Variants in CCDC144A observed in about 807,000 individuals in gnomAD.
CCDC144A encodes coiled-coil domain containing 144A, also known as coiled-coil domain-containing protein 144A.
A neutral mutation model predicts 143.8 loss-of-function variants in CCDC144A; 41 were observed. The ratio of observed to expected loss-of-function variants is 0.29; its 90% confidence interval spans 0.22 to 0.37. CCDC144A has a LOEUF of 0.37. CCDC144A is among the 10% of genes least tolerant of loss of function. The pLI, the probability that CCDC144A is intolerant of heterozygous loss-of-function variation, is 1.00. For missense variants in CCDC144A, 637 were observed against 1,488.8 expected (o/e 0.43, Z 9.41); for synonymous variants, 242 against 517.9 (o/e 0.47, Z 7.23).
chr17:16,752,045 G>T (rs548184679), intron 12 of CCDC144A, among the ~76,000 whole-genome samples: 1 of 152,214 alleles, frequency 6.6e-6, no homozygotes, highest in Non-Finnish European at 1.5e-5. Context: ...GACAGATCTT[G>T]TAGAACAGGG....
intron 6 of CCDC144A, among the ~76,000 whole-genome samples, chr17:16,718,836 T>TG (rs1379049829): frequency 1.0e-4 from 13 of 126,940 alleles, no homozygotes; most frequent in Admixed American, 5.4e-4. Context: ...TAAAGTGTTT[T>TG]TTTTTTTTTT....
At chr17:16,741,280 C>G (rs1914244324) in intron 12 of CCDC144A, among the ~76,000 whole-genome samples, 3 of 152,140 alleles carry the variant, frequency 2.0e-5, no homozygotes, top group Admixed American at 2.0e-4. Flanking sequence ...TTCAGCTTCA[C>G]TTGGGATAAA....
At chr17:16,741,420 C>G (rs549136505) in intron 12 of CCDC144A, among the ~76,000 whole-genome samples, 1 of 152,290 alleles carries the variant, frequency 6.6e-6, no homozygotes, top group East Asian at 1.9e-4. Context: ...CCTAGGCTCT[C>G]TTTGTGGCCT....
intron 12 of CCDC144A, among the ~76,000 whole-genome samples, chr17:16,758,342 T>C (rs927985721): frequency 6.6e-6 from 1 of 152,236 alleles, no homozygotes; most frequent in African/African-American, 2.4e-5. Flanking sequence ...GGCAGCAAGC[T>C]CAGGCTTGAA....
At chr17:16,683,861 A>G in the CCDC144A span, 2 of 1,393,196 alleles carry the variant, frequency 1.4e-6, no homozygotes, top group Non-Finnish European at 2.0e-6. Context: ...GTTTTCCTAC[A>G]TGGGAGACTT....
intron 2 of CCDC144A, among the ~76,000 whole-genome samples, chr17:16,700,376 C>CCCT (rs1911666280): frequency 6.6e-6 from 1 of 152,152 alleles, no homozygotes; most frequent in Non-Finnish European, 1.5e-5. Flanking sequence ...CCTCTCCTCT[C>CCCT]CCTCACATGT....
rs1228354072 is a variant in CCDC144A, at chr17:16,775,707, A to T, written c.*2074A>T. The stretch of plus-strand genomic sequence containing the variant: ...ATGCTGTGCAGAAGCTCTTTAGTTT[A>T]ATTAGATCCCATTTGTCAATTTTGG... On this transcript the variant is annotated 3_prime_UTR_variant, in exon 17 of 17. Coordinates refer to ENST00000399273, the MANE Select transcript of CCDC144A (RefSeq NM_001382000.1). The T allele has an allele frequency of 6.6e-6, 1 of 152,176 alleles. No individual in the cohort carries two copies. The highest frequency in any genetic ancestry group is 2.4e-5 in the African/African-American group (1 of 41,416). 9.4% of individuals were successfully genotyped at this position (152,176 alleles called of 1,614,324 possible).
intron 12 of CCDC144A, among the ~76,000 whole-genome samples, chr17:16,756,891 A>G (rs1189529238): frequency 1.3e-5 from 2 of 152,284 alleles, no homozygotes; most frequent in East Asian, 3.9e-4. Context: ...GCTGTAATCA[A>G]CATCAGCGTC....
At chr17:16,686,345 C>A (rs1352785941), upstream of CCDC144A, among the ~76,000 whole-genome samples, 1 of 152,092 alleles carries the variant, frequency 6.6e-6, no homozygotes, top group African/African-American at 2.4e-5. Flanking sequence ...TGGCCAAACT[C>A]TCCATTTTTG....
chr17:16,707,474 C>G lies in CCDC144A; in HGVS notation c.670C>G (p.Gln224Glu). Reference sequence around the variant, plus strand: ...TGAATGTTTGGATTTTGCAGCAGAACAAGACTCGGAGCTGACATCAGAGGA... The same window carrying G: ...TGAATGTTTGGATTTTGCAGCAGAAGAAGACTCGGAGCTGACATCAGAGGA... ...PENKESKEAE[Q>E]DSELTSEEEQ... The change falls in exon 4 of 17, where the codon CAA (glutamine) becomes GAA (glutamate). Residue 224 changes from glutamine (Q) to glutamate (E), a missense_variant. By Grantham distance (29) the Gln-to-Glu change is conservative (BLOSUM62 2). Coordinates refer to ENST00000399273, the MANE Select transcript of CCDC144A (RefSeq NM_001382000.1). 1 of 1,606,178 alleles carries G rather than the reference C, an allele frequency of 6.2e-7. No homozygotes were observed. The highest frequency in any genetic ancestry group is 8.5e-7 in the Non-Finnish European group (1 of 1,177,100).
chr17:16,755,767 C>G (rs1336604149), intron 12 of CCDC144A, among the ~76,000 whole-genome samples: 1 of 152,090 alleles, frequency 6.6e-6, no homozygotes, highest in East Asian at 1.9e-4. Flanking sequence ...TGCCAAATTG[C>G]CCAGGCTGGT....
Position 16,725,700 on chromosome 17 carries a change from G to A in CCDC144A, c.1892-1827G>A, listed in dbSNP as rs4792769. Among the ~76,000 whole-genome samples, 580 of 146,800 alleles carry A rather than the reference G, an allele frequency of 4.0e-3. 6 individuals carry two copies. Among genetic ancestry groups the A allele is most frequent in the African/African-American group, 0.014 (554 of 39,730 alleles). ...TGTATGCTGCTTGGGTGATGGGTGC[G>A]CCAAAATCTCAGAAACCACCACTAA... On this transcript the variant is annotated intron_variant, in intron 8 of 16. Coordinates refer to ENST00000399273, the MANE Select transcript of CCDC144A (RefSeq NM_001382000.1).
chr17:16,697,977 C>T (rs1396197370), intron 2 of CCDC144A, among the ~76,000 whole-genome samples: 9 of 152,208 alleles, frequency 5.9e-5, no homozygotes, highest in South Asian at 4.1e-4. Flanking sequence ...TCAGCAGTCA[C>T]GACTAACAGT....
chr17:16,738,561 G>C (rs1346452780), intron 12 of CCDC144A, among the ~76,000 whole-genome samples: 1 of 151,434 alleles, frequency 6.6e-6, no homozygotes, highest in East Asian at 1.9e-4. Flanking sequence ...TTTTGTGACT[G>C]GCTTCTTCTA....
At chr17:16,675,342 G>C in the CCDC144A span, among the ~76,000 whole-genome samples, 1 of 150,406 alleles carries the variant, frequency 6.6e-6, no homozygotes, top group Non-Finnish European at 1.5e-5. Flanking sequence ...GGGATAAAGA[G>C]AGAAAAAATA....
intron 6 of CCDC144A, among the ~76,000 whole-genome samples, chr17:16,719,486 A>C (rs1912965069): frequency 6.6e-6 from 1 of 152,202 alleles, no homozygotes; most frequent in Non-Finnish European, 1.5e-5. Flanking sequence ...AAACACTTGA[A>C]AATAAATGTT....
chr17:16,695,840 A>G (rs1295025009), intron 2 of CCDC144A, among the ~76,000 whole-genome samples: 2 of 152,190 alleles, frequency 1.3e-5, no homozygotes, highest in African/African-American at 4.8e-5. Context: ...TTTTATAGGT[A>G]AAGAGGCAGA....
chr17:16,763,497 T>C (rs2143381105), intron 14 of CCDC144A, among the ~76,000 whole-genome samples: 1 of 149,030 alleles, frequency 6.7e-6, no homozygotes, highest in South Asian at 2.2e-4. Context: ...TTTTAGTTTT[T>C]TCTTGTATAT....
chr17:16,685,325 C>A (rs1910740528), upstream of CCDC144A, among the ~76,000 whole-genome samples: 1 of 151,618 alleles, frequency 6.6e-6, no homozygotes, highest in African/African-American at 2.4e-5. Flanking sequence ...TCATTTATTT[C>A]TTTTCCATGC....
Sources: gnomAD v4.1 joint callset for allele counts (sites outside exome capture counted in the v4.1 genomes callset) on GRCh38, gnomAD v4.1.1 for gene constraint, MANE v1.5 for transcripts, NCBI Gene and HGNC (gene_info 2026-07-23, HGNC 2026-07-21) for gene names.